GNPNAT1: variants seen among roughly 807,000 people sequenced by gnomAD.
The protein encoded by GNPNAT1 is glucosamine 6-phosphate N-acetyltransferase.
A neutral mutation model predicts 19.8 loss-of-function variants in GNPNAT1; 11 were observed. That is an observed-to-expected ratio of 0.56 (90% CI 0.35 to 0.92). GNPNAT1 has a LOEUF of 0.92. Ranked by LOEUF, GNPNAT1 falls within the 40% of genes least tolerant of loss-of-function variation. The probability of loss-of-function intolerance (pLI) is 0.01; values close to 1 mark genes in which losing one functional copy is unlikely to be tolerated. For missense variants in GNPNAT1, 157 were observed against 211.0 expected (o/e 0.74, Z 1.59); for synonymous variants, 71 against 72.3 (o/e 0.98, Z 0.09).
intron 5 of GNPNAT1, among the ~76,000 whole-genome samples, chr14:52,779,192 T>G (rs576020623): frequency 6.6e-6 from 1 of 152,318 alleles, no homozygotes; most frequent in South Asian, 2.1e-4. Context: ...TTAATCATTT[T>G]TAAAGCTACT....
chr14:52,790,217 C>CA (rs1199808015), intron 1 of GNPNAT1, among the ~76,000 whole-genome samples: 1 of 152,118 alleles, frequency 6.6e-6, no homozygotes, highest in Non-Finnish European at 1.5e-5. Flanking sequence ...AAGTAATAGA[C>CA]ACCGGAGATG....
chr14:52,775,885 T>TA lies in GNPNAT1; in HGVS notation c.*2425dup, dbSNP rs949855219. ...GTGATGGAGTGGGACAGTGTCTCTT[T>TA]AAAAAATGTGGGCCAGGTGCAGTGG... On this transcript the variant is annotated 3_prime_UTR_variant, in exon 6 of 6. Coordinates refer to ENST00000216410, the MANE Select transcript of GNPNAT1 (RefSeq NM_198066.4). 3 of 151,914 alleles carry TA rather than the reference T, an allele frequency of 2.0e-5. No homozygotes were observed. Among genetic ancestry groups the TA allele is most frequent in the Non-Finnish European group, 2.9e-5 (2 of 68,118 alleles). 9.4% of individuals were successfully genotyped at this position (151,914 alleles called of 1,614,324 possible).
chr14:52,780,138 C>T (rs1194566291), intron 5 of GNPNAT1, among the ~76,000 whole-genome samples: 1 of 152,102 alleles, frequency 6.6e-6, no homozygotes, highest in Non-Finnish European at 1.5e-5. Flanking sequence ...GCACCTCAGC[C>T]TGGGTGACAG....
chr14:52,790,481 A>G (rs188149362), intron 1 of GNPNAT1, among the ~76,000 whole-genome samples: 22 of 152,320 alleles, frequency 1.4e-4, no homozygotes, highest in African/African-American at 5.1e-4. Context: ...TGAATGTTCA[A>G]AAGTATTTTC....
chr14:52,779,892 A>C (rs947350196), intron 5 of GNPNAT1, among the ~76,000 whole-genome samples: 5 of 152,064 alleles, frequency 3.3e-5, no homozygotes, highest in Non-Finnish European at 5.9e-5. Flanking sequence ...TAGTGTTAAA[A>C]AGCAAGTTCT....
chr14:52,782,203 C>G (rs1010238257), intron 3 of GNPNAT1, among the ~76,000 whole-genome samples: 18 of 152,058 alleles, frequency 1.2e-4, no homozygotes. Context: ...GTTGCCACTT[C>G]CATGACTAAT....
chr14:52,777,322 ATTC>A lies in GNPNAT1; in HGVS notation c.*986_*988del. 1 of 152,656 alleles carries A rather than the reference ATTC, an allele frequency of 6.6e-6. No individual in the cohort carries two copies. Among genetic ancestry groups the A allele is most frequent in the Admixed American group, 6.5e-5 (1 of 15,272 alleles). The allele number at this position is 152,656 out of a possible 1,614,324, so 9.5% of individuals were successfully genotyped here. A position where few individuals can be genotyped will look rare whatever the true frequency, so the allele number is the denominator to read the frequency against. On this transcript the variant is annotated 3_prime_UTR_variant, in exon 6 of 6. Coordinates refer to ENST00000216410, the MANE Select transcript of GNPNAT1 (RefSeq NM_198066.4). ...AAGATTAGAACCATTAAAATATTTA[ATTC>A]TTCAACTTTAAAAAATTAAATAAAA... is the stretch of plus-strand genomic sequence containing the variant.
rs897355388 is a variant in GNPNAT1 at position 52,776,974 on chromosome 14, G to A, written c.*1337C>T. ...CAGAACTAGCTTTGTTGCGTTTCACGAAGGACAGATCAGTTCGTCTGTATA... is the reference window on the plus strand; with the variant it reads ...CAGAACTAGCTTTGTTGCGTTTCACAAAGGACAGATCAGTTCGTCTGTATA... On this transcript the variant is annotated 3_prime_UTR_variant, in exon 6 of 6. Transcript: ENST00000216410. 3 of 152,348 alleles carry A rather than the reference G, an allele frequency of 2.0e-5. No homozygotes were observed. The highest frequency in any genetic ancestry group is 2.1e-4 in the South Asian group (1 of 4,830). The allele number at this position is 152,348 out of a possible 1,614,324, so 9.4% of individuals were successfully genotyped here.
At chr14:52,778,682 TA>T (rs1882801991) in intron 5 of GNPNAT1, among the ~76,000 whole-genome samples, 2 of 152,092 alleles carry the variant, frequency 1.3e-5, no homozygotes, top group African/African-American at 4.8e-5. Flanking sequence ...AGCTCACTAA[TA>T]AACAGGACAA....
rs561135905 is a variant in GNPNAT1 at position 52,776,410 on chromosome 14, A to C, written c.*1901T>G. ...TATGGTGTACCTTACCTGTAATTCT[A>C]TTTCCTATGGGAGGATTTAAGAGAT... On this transcript the variant is annotated 3_prime_UTR_variant, in exon 6 of 6. Transcript: ENST00000216410. The C allele has an allele frequency of 3.3e-4, 50 of 152,300 alleles. No homozygotes were observed. Among genetic ancestry groups the C allele is most frequent in the African/African-American group, 1.2e-3 (50 of 41,574 alleles). The allele number at this position is 152,300 out of a possible 1,614,324, so 9.4% of individuals were successfully genotyped here.
chr14:52,783,919 C>A (rs1480586864), intron 2 of GNPNAT1, among the ~76,000 whole-genome samples: 1 of 152,080 alleles, frequency 6.6e-6, no homozygotes, highest in Non-Finnish European at 1.5e-5. Flanking sequence ...ATTGTAATTT[C>A]TAGTGAATTT....
intron 1 of GNPNAT1, among the ~76,000 whole-genome samples, chr14:52,785,784 A>G (rs1883002326): frequency 7.1e-6 from 1 of 140,750 alleles, no homozygotes; most frequent in Non-Finnish European, 1.5e-5. Flanking sequence ...TTTCGCTCTT[A>G]TTGCCCAGGC....
chr14:52,787,127 G>A (rs1315528935), intron 1 of GNPNAT1, among the ~76,000 whole-genome samples: 1 of 151,558 alleles, frequency 6.6e-6, no homozygotes, highest in Non-Finnish European at 1.5e-5. Context: ...TTGGATTTTT[G>A]GATTAGAGAT....
At position 52,778,230 on chromosome 14, in the gene GNPNAT1, C is replaced by A; in HGVS notation, c.*81G>T. 1.8e-6 allele frequency: 2 copies of A among 1,086,764 alleles called. No individual in the cohort carries two copies. The highest frequency in any genetic ancestry group is 2.6e-6 in the Non-Finnish European group (2 of 766,444). 67.3% of individuals were successfully genotyped at this position (1,086,764 alleles called of 1,614,324 possible). On this transcript the variant is annotated 3_prime_UTR_variant, in exon 6 of 6. Coordinates refer to ENST00000216410, the MANE Select transcript of GNPNAT1 (RefSeq NM_198066.4). Reference sequence around the variant, plus strand: ...TCCAGTATTTATGGAGGTCACTCGGCTGCAGCAACAAAATATTTCAACTCT... The same window carrying A: ...TCCAGTATTTATGGAGGTCACTCGGATGCAGCAACAAAATATTTCAACTCT...
At chr14:52,790,142 CTGTATCAGGTTGGAA>C (rs1883132803) in intron 1 of GNPNAT1, among the ~76,000 whole-genome samples, 1 of 152,184 alleles carries the variant, frequency 6.6e-6, no homozygotes, top group East Asian at 1.9e-4. Flanking sequence ...GTCTGAGCCT[CTGTATCAGGTTGGAA>C]TACGAATGGG....
intron 1 of GNPNAT1, among the ~76,000 whole-genome samples, chr14:52,785,117 G>A (rs953073891): frequency 2.6e-5 from 4 of 151,494 alleles, no homozygotes; most frequent in African/African-American, 9.7e-5. Context: ...TAATAGAGAC[G>A]GGATTTCGCC....
At chr14:52,790,614 A>T (rs549123195) in intron 1 of GNPNAT1, among the ~76,000 whole-genome samples, 1 of 152,306 alleles carries the variant, frequency 6.6e-6, no homozygotes, top group South Asian at 2.1e-4. Flanking sequence ...TGGGGCTAGA[A>T]TCCTCGTTTT....
intron 5 of GNPNAT1, 147 bp from the exon 6 acceptor site, chr14:52,778,605 T>C (rs1882799899): frequency 3.0e-6 from 2 of 657,476 alleles, no homozygotes; most frequent in East Asian, 6.1e-5. Context: ...TCATGTAAGT[T>C]GATAAGCATT....
intron 5 of GNPNAT1, among the ~76,000 whole-genome samples, 194 bp from the exon 6 acceptor site, chr14:52,778,652 A>G (rs1215739729): frequency 6.6e-6 from 1 of 152,156 alleles, no homozygotes; most frequent in South Asian, 2.1e-4. Flanking sequence ...AGTCAAATAT[A>G]CTTTTATCTA....
Sources: allele counts gnomAD v4.1 joint callset (sites outside exome capture counted in the v4.1 genomes callset), GRCh38; gene constraint gnomAD v4.1.1; transcripts MANE v1.5; gene names NCBI Gene and HGNC (gene_info 2026-07-23, HGNC 2026-07-21).